Variants in KIAA1671 observed in about 807,000 individuals in gnomAD.
KIAA1671 encodes KIAA1671, also known as uncharacterized protein KIAA1671.
Under a neutral mutation model 131.2 loss-of-function variants are expected in KIAA1671, and 52 were observed. That is an observed-to-expected ratio of 0.40 (90% CI 0.32 to 0.50). KIAA1671 has a LOEUF of 0.50. Among genes scored for constraint, KIAA1671 ranks in the 20% least tolerant of loss-of-function variants. KIAA1671 has a pLI of 0.73. For missense variants in KIAA1671, 2,360 were observed against 2,364.2 expected, an observed-to-expected ratio of 1.00 and a Z score of 0.04; for synonymous variants, 1,003 against 961.6, an observed-to-expected ratio of 1.04 and a Z score of -0.80.
At chr22:25,045,155 C>T (rs887264259) in intron 5 of KIAA1671, among the ~76,000 whole-genome samples, 4 of 149,324 alleles carry the variant, frequency 2.7e-5, no homozygotes, top group Non-Finnish European at 4.5e-5. Flanking sequence ...AGAGAGACTC[C>T]GTCTCAAAGA....
chr22:25,121,390 G>A (rs140932732), intron 6 of KIAA1671, among the ~76,000 whole-genome samples: 11,157 of 151,736 alleles, frequency 0.074, 1,325 homozygotes, highest in African/African-American at 0.25. Context: ...TGAACCTGGG[G>A]GGCGGAGCCT....
At position 25,193,380 on chromosome 22, in the gene KIAA1671, A is replaced by G. The variant is rs1483638687; in HGVS notation, c.*979A>G. On this transcript the variant is annotated 3_prime_UTR_variant, in exon 13 of 13. Transcript: ENST00000358431. Reference sequence around the variant, plus strand: ...GCTTATGAATCATCAGACCTGCCCTAGTAATCTTTTTCTCCAGAGTCTTCT... The same window carrying G: ...GCTTATGAATCATCAGACCTGCCCTGGTAATCTTTTTCTCCAGAGTCTTCT... 6.6e-6 allele frequency: 1 copy of G among 152,202 alleles called. No homozygotes were observed. The highest frequency in any genetic ancestry group is 1.5e-5 in the Non-Finnish European group (1 of 68,052). The allele number at this position is 152,202 out of a possible 1,614,324, so 9.4% of individuals were successfully genotyped here.
rs966706360 is a variant in KIAA1671 at position 25,040,267 on chromosome 22, C to T, written c.3137C>T (p.Ser1046Leu). 3.9e-5 allele frequency: 61 copies of T among 1,551,600 alleles called. No individual in the cohort carries two copies. Among genetic ancestry groups the T allele is most frequent in the Non-Finnish European group, 5.2e-5 (60 of 1,147,010 alleles). The change falls in exon 5 of 13, where the codon TCA becomes TTA. Residue 1046 changes from serine (S) to leucine (L), a missense_variant. Ser to Leu is a moderately radical substitution (Grantham distance 145). Transcript: ENST00000358431. ...CAAAAGGCAAAGGGTGTGGTTCTGT[C>T]AGGAGCTGAAAGCTTGCTGGAACAT... ...NTQKAKGVVL[S>L]GAESLLEHSR... is the part of the protein sequence containing the mutation.
chr22:25,016,193 G>C (rs1374806754), intron 1 of KIAA1671, among the ~76,000 whole-genome samples: 2 of 151,920 alleles, frequency 1.3e-5, no homozygotes, highest in Non-Finnish European at 2.9e-5. Context: ...GCTAATTTTT[G>C]CATTTTTAGT....
At chr22:25,017,807 C>T (rs1925411283) in intron 1 of KIAA1671, among the ~76,000 whole-genome samples, 1 of 152,146 alleles carries the variant, frequency 6.6e-6, no homozygotes, top group African/African-American at 2.4e-5. Context: ...TCTTACTCCC[C>T]CATGCAACCT....
At chr22:25,108,419 C>T (rs1931144475) in intron 6 of KIAA1671, among the ~76,000 whole-genome samples, 1 of 152,050 alleles carries the variant, frequency 6.6e-6, no homozygotes, top group African/African-American at 2.4e-5. Flanking sequence ...CGTCCTGGGC[C>T]TGCGTAATGA....
intron 3 of KIAA1671, among the ~76,000 whole-genome samples, chr22:25,031,481 C>T (rs921900267): frequency 6.6e-5 from 10 of 152,188 alleles, no homozygotes; most frequent in Non-Finnish European, 1.2e-4. Context: ...CAGGCGTGAG[C>T]CACCACGCCC....
intron 6 of KIAA1671, chr22:25,112,192 A>C (rs61732465): frequency 2.5e-6 from 1 of 398,764 alleles, no homozygotes; most frequent in African/African-American, 2.1e-5. Context: ...ATTACCTGGG[A>C]GATAAACTCA....
intron 1 of KIAA1671, among the ~76,000 whole-genome samples, chr22:24,972,988 A>G (rs1019369060): frequency 6.6e-6 from 1 of 152,198 alleles, no homozygotes; most frequent in African/African-American, 2.4e-5. Flanking sequence ...CAAAGGGGCC[A>G]TCTGAAGAGC....
chr22:24,963,580 G>T (rs1922129428), intron 1 of KIAA1671, among the ~76,000 whole-genome samples: 1 of 151,954 alleles, frequency 6.6e-6, no homozygotes, highest in Non-Finnish European at 1.5e-5. Flanking sequence ...TGTGTCATTG[G>T]TGGTGAGAAA....
intron 1 of KIAA1671, among the ~76,000 whole-genome samples, chr22:24,986,761 A>G (rs1013245393): frequency 7.3e-5 from 11 of 150,876 alleles, no homozygotes; most frequent in Non-Finnish European, 8.8e-5. Context: ...GCACAGCTCT[A>G]TGCTGGGGGC....
intron 6 of KIAA1671, chr22:25,052,311 C>T (rs1260927035): frequency 6.6e-6 from 1 of 152,256 alleles, no homozygotes; most frequent in African/African-American, 2.4e-5. Context: ...CCTGCCAGGC[C>T]AATGCCCTGC....
At chr22:25,105,572 C>T (rs920728200) in intron 6 of KIAA1671, among the ~76,000 whole-genome samples, 1 of 152,196 alleles carries the variant, frequency 6.6e-6, no homozygotes. Flanking sequence ...CTTGTGCTGC[C>T]CCAGTTTTCA....
chr22:25,036,984 C>T (rs1926637630), intron 4 of KIAA1671, among the ~76,000 whole-genome samples: 1 of 152,016 alleles, frequency 6.6e-6, no homozygotes, highest in Non-Finnish European at 1.5e-5. Flanking sequence ...GATTCCTTTA[C>T]AATCAAAATG....
intron 1 of KIAA1671, among the ~76,000 whole-genome samples, chr22:24,959,448 G>A (rs1326890904): frequency 6.6e-6 from 1 of 152,068 alleles, no homozygotes; most frequent in Non-Finnish European, 1.5e-5. Flanking sequence ...ACTTGAACCT[G>A]GGAGGTGGAG....
chr22:25,093,722 CACACACACACACACA>C (rs1930147711), intron 6 of KIAA1671, among the ~76,000 whole-genome samples: 7 of 124,224 alleles, frequency 5.6e-5, no homozygotes, highest in African/African-American at 1.3e-4. Flanking sequence ...CACACACACA[CACACACACACACACA>C]CTCTCTCTCT....
At chr22:25,030,874 G>A (rs1163530470) in intron 3 of KIAA1671, among the ~76,000 whole-genome samples, 3 of 152,288 alleles carry the variant, frequency 2.0e-5, no homozygotes, top group South Asian at 2.1e-4. Flanking sequence ...CTGCCCTCCC[G>A]GCCCTGGGAA....
intron 1 of KIAA1671, among the ~76,000 whole-genome samples, chr22:24,998,704 C>G (rs1488953259): frequency 2.2e-5 from 3 of 133,670 alleles, no homozygotes; most frequent in Admixed American, 8.3e-5. Flanking sequence ...GGCGACAGAG[C>G]GAGACTCTGT....
intron 6 of KIAA1671, chr22:25,102,368 G>A (rs1374947451): frequency 1.3e-5 from 2 of 150,470 alleles, no homozygotes; most frequent in East Asian, 3.9e-4. Context: ...AGGGTCCTGT[G>A]ATTCATTTGA....
Sources: allele counts gnomAD v4.1 joint callset (sites outside exome capture counted in the v4.1 genomes callset), GRCh38; gene constraint gnomAD v4.1.1; transcripts MANE v1.5; gene names NCBI Gene and HGNC (gene_info 2026-07-23, HGNC 2026-07-21).